Variants in ZNF609 observed in about 807,000 individuals in gnomAD.
The protein encoded by ZNF609 is zinc finger protein 609.
ZNF609 carries 11 observed loss-of-function variants against 109.5 expected under a neutral mutation model. The observed-to-expected ratio is 0.10, with a 90% CI of 0.06 to 0.17. ZNF609 has a LOEUF of 0.17. Ranked by LOEUF, ZNF609 falls within the 10% of genes least tolerant of loss-of-function variation. The pLI is 1.00. For synonymous variants in ZNF609, 646 were observed against 662.0 expected (o/e 0.98, Z 0.37); for missense variants, 1,559 against 1,772.4 (o/e 0.88, Z 2.16).
intron 2 of ZNF609, among the ~76,000 whole-genome samples, chr15:64,560,557 A>T (rs1894659672): frequency 6.6e-6 from 1 of 152,152 alleles, no homozygotes; most frequent in Non-Finnish European, 1.5e-5. Flanking sequence ...GCTCTTCCCA[A>T]CAAGATTGTC....
chr15:64,538,825 G>A (rs892177882), intron 2 of ZNF609, among the ~76,000 whole-genome samples: 2 of 152,066 alleles, frequency 1.3e-5, no homozygotes, highest in Non-Finnish European at 1.5e-5. Flanking sequence ...GATTACAGAC[G>A]TGAGCCACTG....
chr15:64,634,125 A>G (rs1018442021), intron 3 of ZNF609, among the ~76,000 whole-genome samples: 1 of 151,940 alleles, frequency 6.6e-6, no homozygotes, highest in East Asian at 1.9e-4. Flanking sequence ...TGGAAAGAAG[A>G]GTAATTGTGT....
intron 1 of ZNF609, among the ~76,000 whole-genome samples, chr15:64,482,362 A>T (rs1893266542): frequency 6.6e-6 from 1 of 152,124 alleles, no homozygotes; most frequent in Non-Finnish European, 1.5e-5. Flanking sequence ...ACATTTATTT[A>T]ATATTTCCTA....
chr15:64,500,437 G>T, intron 2 of ZNF609: 1 of 684,108 alleles, frequency 1.5e-6, no homozygotes, highest in Non-Finnish European at 2.7e-6. Context: ...TGTAGTCTGA[G>T]TTGAGACCTT....
At chr15:64,676,747 T>TTTTA (rs962643439) in intron 5 of ZNF609, among the ~76,000 whole-genome samples, 25 of 151,768 alleles carry the variant, frequency 1.6e-4, no homozygotes, top group African/African-American at 1.7e-4. Flanking sequence ...TTTTATTTTA[T>TTTTA]TTTATTTATT....
chr15:64,626,582 A>T (rs1303601463), intron 3 of ZNF609, among the ~76,000 whole-genome samples: 2 of 152,082 alleles, frequency 1.3e-5, no homozygotes, highest in Non-Finnish European at 2.9e-5. Flanking sequence ...CTCTGAGGGG[A>T]ATGGAGGACA....
chr15:64,578,301 G>A (rs1895036736), intron 2 of ZNF609, among the ~76,000 whole-genome samples: 1 of 151,930 alleles, frequency 6.6e-6, no homozygotes, highest in Non-Finnish European at 1.5e-5. Flanking sequence ...GCAGTCCTAA[G>A]TCTTGTCATT....
chr15:64,591,935 C>G (rs1205677604), intron 2 of ZNF609, among the ~76,000 whole-genome samples: 2 of 152,072 alleles, frequency 1.3e-5, no homozygotes, highest in Non-Finnish European at 2.9e-5. Context: ...TGGTCTCAAA[C>G]TGACCTCAGG....
intron 2 of ZNF609, among the ~76,000 whole-genome samples, chr15:64,516,113 C>T (rs909466546): frequency 6.6e-6 from 1 of 152,000 alleles, no homozygotes; most frequent in African/African-American, 2.4e-5. Context: ...AAATAAAACC[C>T]CAATGACTTT....
intron 2 of ZNF609, among the ~76,000 whole-genome samples, chr15:64,588,934 A>C (rs1044501238): frequency 6.6e-6 from 1 of 152,118 alleles, no homozygotes; most frequent in African/African-American, 2.4e-5. Context: ...ATGAGCCACC[A>C]TGCCTGTCTG....
intron 2 of ZNF609, among the ~76,000 whole-genome samples, chr15:64,563,461 A>C (rs576919341): frequency 1.3e-5 from 2 of 152,108 alleles, no homozygotes; most frequent in East Asian, 3.9e-4. Flanking sequence ...AAAAAAAAAA[A>C]AATAATTGAA....
chr15:64,553,569 T>G (rs1251075615), intron 2 of ZNF609, among the ~76,000 whole-genome samples: 1 of 151,132 alleles, frequency 6.6e-6, no homozygotes, highest in Non-Finnish European at 1.5e-5. Context: ...ATTTATTTTT[T>G]AATTTTATTT....
chr15:64,606,146 C>A (rs951110361), intron 2 of ZNF609, among the ~76,000 whole-genome samples: 1 of 151,456 alleles, frequency 6.6e-6, no homozygotes, highest in African/African-American at 2.4e-5. Flanking sequence ...TAGAGTCTCA[C>A]TCTGTCACCC....
At chr15:64,523,131 A>G (rs1188604035) in intron 2 of ZNF609, among the ~76,000 whole-genome samples, 2 of 152,218 alleles carry the variant, frequency 1.3e-5, no homozygotes, top group Non-Finnish European at 2.9e-5. Flanking sequence ...AAGCATTTCC[A>G]AAAGAGATCT....
chr15:64,615,207 C>T (rs589690), intron 2 of ZNF609, among the ~76,000 whole-genome samples: 112,826 of 151,876 alleles, frequency 0.74, 45,451 homozygotes, highest in East Asian at 0.96. Context: ...CTCACTGCAG[C>T]CTCAACCTTC....
At chr15:64,680,070 A>G in intron 6 of ZNF609, 115 bp from the exon 7 acceptor site, 1 of 1,137,456 alleles carries the variant, frequency 8.8e-7, no homozygotes, top group Admixed American at 2.2e-5. Flanking sequence ...ACACTATGTT[A>G]GAAAATACCT....
chr15:64,529,713 G>C, intron 2 of ZNF609: 1 of 665,268 alleles, frequency 1.5e-6, no homozygotes, highest in South Asian at 1.4e-5. Context: ...AGAATATGTG[G>C]CTGTCTGTCG....
At chr15:64,481,366 G>A (rs991265409) in intron 1 of ZNF609, among the ~76,000 whole-genome samples, 2 of 147,956 alleles carry the variant, frequency 1.4e-5, no homozygotes, top group Admixed American at 6.8e-5. Context: ...TGTTGCCCAG[G>A]CTGGAGTGCA....
At chr15:64,545,888 C>A (rs571020788) in intron 2 of ZNF609, among the ~76,000 whole-genome samples, 6 of 152,058 alleles carry the variant, frequency 3.9e-5, no homozygotes, top group Non-Finnish European at 8.8e-5. Flanking sequence ...TATAGATATA[C>A]CACATTTGCT....
Sources: allele counts gnomAD v4.1 joint callset (sites outside exome capture counted in the v4.1 genomes callset), GRCh38; gene constraint gnomAD v4.1.1; transcripts MANE v1.5; gene names NCBI Gene and HGNC (gene_info 2026-07-23, HGNC 2026-07-21).